Variants in SLC36A1 observed in about 807,000 individuals in gnomAD.
The protein encoded by SLC36A1 is proton-coupled amino acid transporter 1.
A neutral mutation model predicts 47.5 loss-of-function variants in SLC36A1; 30 were observed. The ratio of observed to expected loss-of-function variants is 0.63; its 90% confidence interval spans 0.47 to 0.86. The LOEUF is 0.86. Among genes scored for constraint, SLC36A1 ranks in the 40% least tolerant of loss-of-function variants. The pLI, the probability that SLC36A1 is intolerant of heterozygous loss-of-function variation, is 0.00. For synonymous variants in SLC36A1, 255 were observed against 249.7 expected (o/e 1.02, Z -0.20); for missense variants, 517 against 606.0 (o/e 0.85, Z 1.54).
the SLC36A1 span, among the ~76,000 whole-genome samples, chr5:151,537,196 A>G: frequency 2.6e-4 from 39 of 150,604 alleles, no homozygotes; most frequent in East Asian, 2.0e-4. Context: ...AGAGAGAGAG[A>G]GAGAAAGAAG....
the SLC36A1 span, chr5:151,380,890 G>T: frequency 2.3e-6 from 1 of 426,408 alleles, no homozygotes; most frequent in Non-Finnish European, 4.7e-6. Context: ...AAGTCCAAGG[G>T]ACGGGGCTGC....
chr5:151,458,304 G>GTGTGTGTATA lies in SLC36A1; in HGVS notation c.-5-483_-5-482insGTGTGTATAT, dbSNP rs1175105944. ...TACGTGTATATATATACATACACGT[G>GTGTGTGTATA]TATATACGTATATATATATATATAT... is the stretch of plus-strand genomic sequence containing the variant. On this transcript the variant is annotated intron_variant, in intron 1 of 10. Coordinates refer to ENST00000243389, the MANE Select transcript of SLC36A1 (RefSeq NM_078483.4). 8.1e-3 allele frequency among the ~76,000 whole-genome samples: 619 copies of GTGTGTGTATA among 76,542 alleles called. 8 individuals are homozygous for GTGTGTGTATA. The highest frequency in any genetic ancestry group is 0.043 in the African/African-American group (594 of 13,704). The allele number at this position is 76,542 out of a possible 152,430, so 50.2% of individuals were successfully genotyped here.
At chr5:151,545,607 G>T in the SLC36A1 span, 1 of 1,614,092 alleles carries the variant, frequency 6.2e-7, no homozygotes, top group East Asian at 2.2e-5. Flanking sequence ...CATGGACATA[G>T]ACACAGAATT....
the SLC36A1 span, among the ~76,000 whole-genome samples, chr5:151,361,887 A>T: frequency 1.3e-5 from 2 of 152,150 alleles, no homozygotes; most frequent in African/African-American, 4.8e-5. Context: ...CACTTTGAAA[A>T]TGTTATCCCA....
At chr5:151,514,865 CTCTT>C in the SLC36A1 span, among the ~76,000 whole-genome samples, 5 of 152,206 alleles carry the variant, frequency 3.3e-5, no homozygotes, top group African/African-American at 1.2e-4. Context: ...ATTCTCCTTC[CTCTT>C]TCTTACATCT....
At chr5:151,378,065 A>T in the SLC36A1 span, 1 of 325,250 alleles carries the variant, frequency 3.1e-6, no homozygotes, top group Admixed American at 3.6e-5. Context: ...GGGTGATGTG[A>T]TCTTCACTAA....
chr5:151,486,256 C>T (rs1429033211), intron 10 of SLC36A1, among the ~76,000 whole-genome samples: 3 of 152,106 alleles, frequency 2.0e-5, no homozygotes, highest in East Asian at 3.9e-4. Flanking sequence ...ACAGCTCTCT[C>T]AGGGAGGGCC....
the SLC36A1 span, chr5:151,534,704 C>G: frequency 3.5e-5 from 49 of 1,414,138 alleles, no homozygotes; most frequent in Middle Eastern, 1.8e-4. Context: ...AGCATGTGCC[C>G]TCTATATATC....
At chr5:151,482,706 G>A (rs1454251170) in intron 10 of SLC36A1, among the ~76,000 whole-genome samples, 1 of 152,046 alleles carries the variant, frequency 6.6e-6, no homozygotes, top group Non-Finnish European at 1.5e-5. Flanking sequence ...ATTAACTAAG[G>A]TACTCCTTTC....
In SLC36A1 at chr5:151,476,579, C is replaced by T; in HGVS notation, c.823-11C>T. 1 of 1,491,302 alleles carries T rather than the reference C, an allele frequency of 6.7e-7. No homozygotes were observed. The allele number at this position is 1,491,302 out of a possible 1,614,324, so 92.4% of individuals were successfully genotyped here. Reference sequence around the variant, plus strand: ...CTGCACTTTCTCTCCTCTCTCACTACTCTCTCATAGGTTCTGCCCCTGGAA... The same window carrying T: ...CTGCACTTTCTCTCCTCTCTCACTATTCTCTCATAGGTTCTGCCCCTGGAA... On this transcript the variant is annotated splice_polypyrimidine_tract_variant and intron_variant, in intron 8 of 10. Coordinates refer to ENST00000243389, the MANE Select transcript of SLC36A1 (RefSeq NM_078483.4).
chr5:151,541,157 G>A, the SLC36A1 span, among the ~76,000 whole-genome samples: 3 of 152,176 alleles, frequency 2.0e-5, no homozygotes, highest in Admixed American at 6.5e-5. Context: ...ACACTCCAAG[G>A]TTTTATTTTA....
the SLC36A1 span, chr5:151,521,295 C>T: frequency 4.3e-6 from 7 of 1,610,778 alleles, no homozygotes; most frequent in East Asian, 1.3e-4. Context: ...AGCAGCTCCT[C>T]TGCAGGTGGT....
At chr5:151,369,513 C>A in the SLC36A1 span, among the ~76,000 whole-genome samples, 6 of 152,240 alleles carry the variant, frequency 3.9e-5, no homozygotes, top group Non-Finnish European at 8.8e-5. Flanking sequence ...CCAGACTGAA[C>A]TCCCTCAGGC....
chr5:151,545,805 A>G, the SLC36A1 span: 1 of 1,614,230 alleles, frequency 6.2e-7, no homozygotes, highest in Non-Finnish European at 8.5e-7. Flanking sequence ...TGATCATGCT[A>G]TACAGTGGAG....
chr5:151,475,508 A>G (rs761188183), intron 8 of SLC36A1, among the ~76,000 whole-genome samples: 1 of 152,212 alleles, frequency 6.6e-6, no homozygotes, highest in Non-Finnish European at 1.5e-5. Context: ...CAGGCTGCAC[A>G]CTGTATTCAC....
chr5:151,385,348 C>T, the SLC36A1 span, among the ~76,000 whole-genome samples: 1 of 152,198 alleles, frequency 6.6e-6, no homozygotes, highest in Admixed American at 6.5e-5. Flanking sequence ...CTTACCCTTC[C>T]CACCTGGCCA....
chr5:151,397,834 T>C, the SLC36A1 span, among the ~76,000 whole-genome samples: 3 of 150,138 alleles, frequency 2.0e-5, no homozygotes, highest in Non-Finnish European at 3.0e-5. Context: ...TTATTACATG[T>C]GGCCGGGCAC....
chr5:151,555,372 T>C, the SLC36A1 span, among the ~76,000 whole-genome samples: 10 of 144,752 alleles, frequency 6.9e-5, no homozygotes, highest in African/African-American at 2.4e-4. Flanking sequence ...TATTTCTTTT[T>C]TTTTTTTTTT....
At chr5:151,405,037 G>A in the SLC36A1 span, among the ~76,000 whole-genome samples, 1 of 152,176 alleles carries the variant, frequency 6.6e-6, no homozygotes, top group Non-Finnish European at 1.5e-5. Context: ...CGAGTTGTAG[G>A]TTTGGTCTCT....
Sources: allele counts gnomAD v4.1 joint callset (sites outside exome capture counted in the v4.1 genomes callset), GRCh38; gene constraint gnomAD v4.1.1; transcripts MANE v1.5; gene names NCBI Gene and HGNC (gene_info 2026-07-23, HGNC 2026-07-21).